ADGRL3: variants seen among roughly 807,000 people sequenced by gnomAD.
The protein encoded by ADGRL3 is calcium-independent alpha-latrotoxin receptor 3.
A neutral mutation model predicts 153.5 loss-of-function variants in ADGRL3; 62 were observed. The ratio of observed to expected loss-of-function variants is 0.40; its 90% CI spans 0.33 to 0.50. The LOEUF (loss-of-function observed/expected upper bound fraction) is 0.50, where lower values mean the gene tolerates loss of function less well. Ranked by LOEUF, ADGRL3 falls within the 20% of genes least tolerant of loss-of-function variation. ADGRL3 has a pLI of 0.47. For missense variants in ADGRL3, 1,641 were observed against 1,859.4 expected (o/e 0.88, Z 2.16); for synonymous variants, 710 against 672.5 (o/e 1.06, Z -0.86).
chr4:61,359,290 TAA>T (rs2096246697), intron 1 of ADGRL3, among the ~76,000 whole-genome samples: 1 of 152,154 alleles, frequency 6.6e-6, no homozygotes, highest in Admixed American at 6.5e-5. Context: ...ATGATCAACT[TAA>T]AATATAAGTT....
Position 61,559,653 on chromosome 4 carries a change from G to A in ADGRL3, c.260-27574G>A, listed in dbSNP as rs149172438. On this transcript the variant is annotated intron_variant, in intron 4 of 26. Transcript: ENST00000683033. ...TTGTTATGTGTTACTTTTTTTTCTG[G>A]CATGCCACAAGGGGATGAAAGTGTG... Among the ~76,000 whole-genome samples the A allele has an allele frequency of 3.3e-3, 495 of 151,814 alleles. 4 individuals are homozygous for A. The highest frequency in any genetic ancestry group is 5.0e-3 in the Non-Finnish European group (341 of 67,910).
Position 61,250,298 on chromosome 4 carries a change from G to T in ADGRL3, c.-240+48533G>T, listed in dbSNP as rs551351623. ...GCATTCAATGGCAGTGAGGAACCAAGGCAGCCTCAAGTGGGTTACAGGACT... is the reference window on the plus strand; with the variant it reads ...GCATTCAATGGCAGTGAGGAACCAATGCAGCCTCAAGTGGGTTACAGGACT... On this transcript the variant is annotated intron_variant, in intron 1 of 26. Transcript: ENST00000683033. 5.7e-3 allele frequency among the ~76,000 whole-genome samples: 862 copies of T among 152,308 alleles called. 14 individuals carry two copies. Among genetic ancestry groups the T allele is most frequent in the African/African-American group, 0.019 (775 of 41,558 alleles).
intron 19 of ADGRL3, among the ~76,000 whole-genome samples, chr4:61,993,333 C>G (rs1335463828): frequency 7.4e-6 from 1 of 135,304 alleles, no homozygotes; most frequent in African/African-American, 2.7e-5. Flanking sequence ...CATTCTGTCA[C>G]CCTGGCTGGG....
intron 8 of ADGRL3, among the ~76,000 whole-genome samples, chr4:61,739,476 C>T (rs190233586): frequency 6.6e-6 from 1 of 152,058 alleles, no homozygotes; most frequent in Non-Finnish European, 1.5e-5. Flanking sequence ...CAGGTGGGAG[C>T]CACTGAACCC....
At chr4:61,869,989 AGGG>A (rs2098433489) in intron 9 of ADGRL3, among the ~76,000 whole-genome samples, 1 of 100,432 alleles carries the variant, frequency 1.0e-5, no homozygotes. Flanking sequence ...AGAGAGAGAG[AGGG>A]AGAGAGAGAG....
chr4:61,652,772 C>T (rs564833535), intron 5 of ADGRL3, among the ~76,000 whole-genome samples: 9 of 152,272 alleles, frequency 5.9e-5, no homozygotes, highest in South Asian at 2.1e-4. Flanking sequence ...CCTGTAAGAA[C>T]AGGTTTCATA....
chr4:61,318,772 A>G (rs558025755), intron 1 of ADGRL3, among the ~76,000 whole-genome samples: 12 of 152,334 alleles, frequency 7.9e-5, no homozygotes, highest in African/African-American at 2.9e-4. Flanking sequence ...GTTATAAACT[A>G]TATGATTGCA....
intron 6 of ADGRL3, among the ~76,000 whole-genome samples, chr4:61,728,051 C>T (rs1168191668): frequency 1.3e-5 from 2 of 151,992 alleles, no homozygotes; most frequent in Non-Finnish European, 2.9e-5. Flanking sequence ...ACTGGCCAAT[C>T]CTTAGTGTTA....
rs569108337 is a variant in ADGRL3 at position 61,401,220 on chromosome 4, G to A, written c.-174+18031G>A. 8.4e-4 allele frequency among the ~76,000 whole-genome samples: 127 copies of A among 151,830 alleles called. No individual in the cohort carries two copies. In the South Asian group the frequency reaches 0.017, roughly 20 times the overall value. On this transcript the variant is annotated intron_variant, in intron 2 of 26. Coordinates refer to ENST00000683033, the MANE Select transcript of ADGRL3 (RefSeq NM_001387552.1). Reference sequence around the variant, plus strand: ...GTTAATTTGTATCACATAAAACAACGTAAGCAACAAATTATACTGATTAAT... The same window carrying A: ...GTTAATTTGTATCACATAAAACAACATAAGCAACAAATTATACTGATTAAT...
intron 1 of ADGRL3, among the ~76,000 whole-genome samples, chr4:61,368,715 CT>C (rs1189895701): frequency 6.6e-6 from 1 of 152,074 alleles, no homozygotes; most frequent in African/African-American, 2.4e-5. Flanking sequence ...AATGCGGGCT[CT>C]TTTTTGGTTC....
chr4:61,682,498 TATC>T (rs1416342155), intron 6 of ADGRL3, among the ~76,000 whole-genome samples: 4 of 152,056 alleles, frequency 2.6e-5, no homozygotes, highest in Non-Finnish European at 4.4e-5. Context: ...TATATTTTGC[TATC>T]ATCATTCTGT....
chr4:61,858,226 A>G (rs2098299988), intron 9 of ADGRL3, among the ~76,000 whole-genome samples: 1 of 152,198 alleles, frequency 6.6e-6, no homozygotes, highest in Non-Finnish European at 1.5e-5. Flanking sequence ...CAGTCTTTGC[A>G]GGCTATGTAT....
chr4:61,309,482 G>C (rs1307382882), intron 1 of ADGRL3, among the ~76,000 whole-genome samples: 1 of 152,132 alleles, frequency 6.6e-6, no homozygotes, highest in Non-Finnish European at 1.5e-5. Flanking sequence ...TTCTGTTGCT[G>C]TGTAGCAATA....
At chr4:62,068,067 TC>T (rs1743959858) in intron 25 of ADGRL3, 98 bp from the exon 26 acceptor site, 2 of 703,006 alleles carry the variant, frequency 2.8e-6, no homozygotes, top group Admixed American at 2.8e-5. Flanking sequence ...GACTCTTTTT[TC>T]TGCATATCAT....
chr4:61,847,216 A>C (rs77582809), intron 9 of ADGRL3, among the ~76,000 whole-genome samples: 1 of 151,952 alleles, frequency 6.6e-6, no homozygotes, highest in Non-Finnish European at 1.5e-5. Flanking sequence ...TTTATAAATC[A>C]TGTGGTTATA....
chr4:61,927,727 A>G (rs2150059426), intron 13 of ADGRL3, among the ~76,000 whole-genome samples: 1 of 152,288 alleles, frequency 6.6e-6, no homozygotes, highest in Non-Finnish European at 1.5e-5. Context: ...TTGAATCAAT[A>G]TCTAAACGCA....
intron 19 of ADGRL3, among the ~76,000 whole-genome samples, chr4:61,990,116 T>A (rs2099098690): frequency 6.6e-6 from 1 of 152,072 alleles, no homozygotes. Context: ...GCATTATTTA[T>A]GTTAGCCAAA....
intron 13 of ADGRL3, among the ~76,000 whole-genome samples, chr4:61,921,624 C>T (rs146188565): frequency 1.9e-3 from 290 of 152,138 alleles, no homozygotes; most frequent in African/African-American, 6.9e-3. Context: ...GCCAGGATGG[C>T]CTCCATCTCC....
At chr4:62,044,823 AGGCCTCATTGGAAGC>A (rs1186252389) in intron 25 of ADGRL3, among the ~76,000 whole-genome samples, 1 of 152,100 alleles carries the variant, frequency 6.6e-6, no homozygotes, top group African/African-American at 2.4e-5. Context: ...GAGAGCTGTC[AGGCCTCATTGGAAGC>A]AGTGAAAATG....
Sources: allele counts gnomAD v4.1 joint callset (sites outside exome capture counted in the v4.1 genomes callset), GRCh38; gene constraint gnomAD v4.1.1; transcripts MANE v1.5; gene names NCBI Gene and HGNC (gene_info 2026-07-23, HGNC 2026-07-21).